PTPRD: variants seen among roughly 807,000 people sequenced by gnomAD.
PTPRD encodes receptor-type tyrosine-protein phosphatase delta.
In PTPRD, 34 loss-of-function variants were observed where a neutral mutation model predicts 214.5. That is an observed-to-expected ratio of 0.16 (90% confidence interval 0.12 to 0.21). The LOEUF (loss-of-function observed/expected upper bound fraction) is 0.21, where lower values mean the gene tolerates loss of function less well. Ranked by LOEUF, PTPRD falls within the 10% of genes least tolerant of loss-of-function variation. The pLI, the probability that PTPRD is intolerant of heterozygous loss-of-function variation, is 1.00. For missense variants in PTPRD, 2,545 were observed against 2,398.7 expected (o/e 1.06, Z -1.27); for synonymous variants, 1,128 against 845.7 (o/e 1.33, Z -5.79).
chr9:9,563,927 A>G (rs765373220), intron 8 of PTPRD, among the ~76,000 whole-genome samples: 20 of 152,170 alleles, frequency 1.3e-4, no homozygotes, highest in South Asian at 4.1e-4. Flanking sequence ...ACTTAGCCCA[A>G]TGGCTCTCAA....
intron 36 of PTPRD, among the ~76,000 whole-genome samples, chr9:8,393,630 A>G (rs1454018905): frequency 6.6e-6 from 1 of 152,122 alleles, no homozygotes; most frequent in Non-Finnish European, 1.5e-5. Flanking sequence ...CTAGGAGTCC[A>G]TGGCTCTACT....
intron 14 of PTPRD, among the ~76,000 whole-genome samples, chr9:8,601,534 G>A (rs1385762739): frequency 1.3e-5 from 2 of 152,126 alleles, no homozygotes; most frequent in Admixed American, 6.5e-5. Context: ...AGGCAGCTCA[G>A]CACACAGAGA....
At chr9:9,374,675 A>C (rs971843020) in intron 9 of PTPRD, among the ~76,000 whole-genome samples, 3 of 152,134 alleles carry the variant, frequency 2.0e-5, no homozygotes, top group Admixed American at 1.3e-4. Flanking sequence ...AAATGGACAA[A>C]CTCTGACTGT....
intron 7 of PTPRD, among the ~76,000 whole-genome samples, chr9:9,700,494 C>A (rs1226654902): frequency 2.0e-5 from 3 of 152,036 alleles, no homozygotes; most frequent in South Asian, 4.1e-4. Context: ...ATTCTAAAAT[C>A]TGACTTGTTT....
At chr9:9,219,863 C>T (rs935798945) in intron 9 of PTPRD, among the ~76,000 whole-genome samples, 2 of 152,128 alleles carry the variant, frequency 1.3e-5, no homozygotes, top group Non-Finnish European at 2.9e-5. Flanking sequence ...GGCATCTGCC[C>T]CAATTTCAGC....
chr9:9,581,896 A>G (rs2090888527), intron 7 of PTPRD, among the ~76,000 whole-genome samples: 1 of 152,184 alleles, frequency 6.6e-6, no homozygotes, highest in Non-Finnish European at 1.5e-5. Context: ...ACCAGCCACT[A>G]CTATACTATA....
At chr9:9,108,189 G>A (rs10977501) in intron 10 of PTPRD, among the ~76,000 whole-genome samples, 18,566 of 151,842 alleles carry the variant, frequency 0.12, 1,384 homozygotes, top group East Asian at 0.22. Context: ...TATTATTTAC[G>A]TTTGTCTGTA....
intron 2 of PTPRD, among the ~76,000 whole-genome samples, chr9:10,537,320 T>A (rs1466601237): frequency 6.6e-6 from 1 of 152,182 alleles, no homozygotes; most frequent in South Asian, 2.1e-4. Context: ...TCAGCCTTAA[T>A]TCCAAATTCT....
intron 9 of PTPRD, among the ~76,000 whole-genome samples, chr9:9,268,666 A>T (rs1411020728): frequency 6.6e-6 from 1 of 151,150 alleles, no homozygotes; most frequent in Non-Finnish European, 1.5e-5. Flanking sequence ...AACAACAAAC[A>T]TACAAAGAGA....
chr9:8,893,814 A>G (rs796075137), intron 11 of PTPRD, among the ~76,000 whole-genome samples: 12 of 152,348 alleles, frequency 7.9e-5, no homozygotes, highest in African/African-American at 2.9e-4. Context: ...AAACACATTT[A>G]TGACACAATG....
intron 14 of PTPRD, among the ~76,000 whole-genome samples, chr9:8,619,361 T>C (rs925648736): frequency 2.0e-5 from 3 of 151,074 alleles, no homozygotes; most frequent in African/African-American, 7.3e-5. Context: ...CCCCTCAACC[T>C]GCTCAGCCTC....
At chr9:10,203,043 G>T (rs1489006303) in intron 3 of PTPRD, among the ~76,000 whole-genome samples, 1 of 151,948 alleles carries the variant, frequency 6.6e-6, no homozygotes, top group Non-Finnish European at 1.5e-5. Context: ...TACAGACAGA[G>T]ATAAAGATTA....
chr9:9,048,395 A>G (rs1212440622), intron 10 of PTPRD, among the ~76,000 whole-genome samples: 1 of 152,206 alleles, frequency 6.6e-6, no homozygotes, highest in East Asian at 1.9e-4. Flanking sequence ...AAGATTTAAA[A>G]GCAACCTAAG....
intron 3 of PTPRD, among the ~76,000 whole-genome samples, chr9:10,205,432 G>A: frequency 6.6e-6 from 1 of 151,008 alleles, no homozygotes; most frequent in East Asian, 1.9e-4. Context: ...CTGAGACAGA[G>A]TCTTACTCTG....
At chr9:8,502,165 A>C in intron 23 of PTPRD, among the ~76,000 whole-genome samples, 1 of 152,164 alleles carries the variant, frequency 6.6e-6, no homozygotes, top group East Asian at 1.9e-4. Flanking sequence ...TGATTTTAAA[A>C]AATTAAAAAT....
At chr9:8,558,280 C>G (rs1474493685) in intron 14 of PTPRD, among the ~76,000 whole-genome samples, 1 of 152,204 alleles carries the variant, frequency 6.6e-6, no homozygotes, top group Non-Finnish European at 1.5e-5. Context: ...TATATCTTCT[C>G]TCCTTTATGT....
At chr9:9,575,441 C>G (rs2154304994) in intron 7 of PTPRD, among the ~76,000 whole-genome samples, 1 of 151,984 alleles carries the variant, frequency 6.6e-6, no homozygotes, top group East Asian at 1.9e-4. Context: ...GTTACTGAGG[C>G]CAGGTGCGGT....
intron 5 of PTPRD, among the ~76,000 whole-genome samples, chr9:9,896,509 G>A (rs577198437): frequency 1.3e-5 from 2 of 151,792 alleles, no homozygotes; most frequent in Non-Finnish European, 2.9e-5. Flanking sequence ...TAGTGCATTT[G>A]GATAGCTAAA....
In PTPRD at chr9:8,805,507, G is replaced by GA. The variant is rs563930235; in HGVS notation, c.-103-71562dup. Among the ~76,000 whole-genome samples the GA allele has an allele frequency of 6.7e-3, 957 of 143,288 alleles. 7 individuals are homozygous for GA. The highest frequency in any genetic ancestry group is 0.019 in the African/African-American group (745 of 39,234). The allele number at this position is 143,288 out of a possible 152,430, so 94.0% of individuals were successfully genotyped here. ...ATGATTATAAACCTCAATTGCAATAGAAAAAAAAAACAGAAAAATAAATAT... is the reference window on the plus strand; with the variant it reads ...ATGATTATAAACCTCAATTGCAATAGAAAAAAAAAAACAGAAAAATAAATAT... On this transcript the variant is annotated intron_variant, in intron 11 of 45. Coordinates refer to ENST00000381196, the MANE Select transcript of PTPRD (RefSeq NM_002839.4).
Sources: gnomAD v4.1 joint callset for allele counts (sites outside exome capture counted in the v4.1 genomes callset) on GRCh38, gnomAD v4.1.1 for gene constraint, MANE v1.5 for transcripts, NCBI Gene and HGNC (gene_info 2026-07-23, HGNC 2026-07-21) for gene names.